The following LDAH variants were observed in gnomAD, a reference collection of about 807,000 sequenced individuals.
LDAH encodes the protein lipid droplet-associated hydrolase.
A neutral mutation model predicts 29.6 loss-of-function variants in LDAH; 26 were observed. That is an observed-to-expected ratio of 0.88 (90% confidence interval 0.64 to 1.22). The LOEUF (loss-of-function observed/expected upper bound fraction) is 1.22. LDAH is among the 50% of genes most tolerant of loss of function. The pLI, the probability that LDAH is intolerant of heterozygous loss-of-function variation, is 0.00. For synonymous variants in LDAH, 117 were observed against 133.0 expected, an observed-to-expected ratio of 0.88 and a Z score of 0.83; for missense variants, 344 against 387.3, an observed-to-expected ratio of 0.89 and a Z score of 0.94.
chr2:20,804,887 C>T (rs146937279), intron 1 of LDAH, among the ~76,000 whole-genome samples: 8 of 152,210 alleles, frequency 5.3e-5, no homozygotes, highest in African/African-American at 1.2e-4. Flanking sequence ...TTCTTATGGA[C>T]TGAATTTTTA....
At chr2:20,702,482 C>A (rs796490189) in intron 5 of LDAH, among the ~76,000 whole-genome samples, 1 of 152,150 alleles carries the variant, frequency 6.6e-6, no homozygotes, top group Non-Finnish European at 1.5e-5. Context: ...AACATATTCA[C>A]ATATATTGAG....
chr2:20,723,298 AT>A (rs932940728), intron 5 of LDAH, among the ~76,000 whole-genome samples: 8 of 152,310 alleles, frequency 5.3e-5, no homozygotes, highest in Non-Finnish European at 7.4e-5. Flanking sequence ...TAGTAGTTAC[AT>A]TTGGGAAAAT....
intron 2 of LDAH, among the ~76,000 whole-genome samples, chr2:20,797,591 T>C (rs114117657): frequency 1.0e-3 from 154 of 152,294 alleles, no homozygotes; most frequent in African/African-American, 3.4e-3. Context: ...CAAGCTAGGA[T>C]GGCTAATCAC....
intron 6 of LDAH, among the ~76,000 whole-genome samples, chr2:20,700,052 T>C (rs1242283732): frequency 6.6e-6 from 1 of 152,256 alleles, no homozygotes; most frequent in Non-Finnish European, 1.5e-5. Flanking sequence ...AGTCTTATTA[T>C]TAACTGAGAG....
At chr2:20,683,314 G>A (rs537193097), downstream of LDAH, among the ~76,000 whole-genome samples, 5 of 152,306 alleles carry the variant, frequency 3.3e-5, no homozygotes, top group African/African-American at 1.2e-4. Context: ...ACTCATATGA[G>A]CTTTGCTGTC....
At chr2:20,749,367 A>T (rs1667800466) in intron 4 of LDAH, among the ~76,000 whole-genome samples, 1 of 152,256 alleles carries the variant, frequency 6.6e-6, no homozygotes, top group Non-Finnish European at 1.5e-5. Flanking sequence ...CAGTAAAAAA[A>T]TTATTCCCTA....
chr2:20,814,529 T>C (rs947571298), intron 1 of LDAH, among the ~76,000 whole-genome samples: 1 of 152,136 alleles, frequency 6.6e-6, no homozygotes, highest in African/African-American at 2.4e-5. Flanking sequence ...GGCACAATCT[T>C]CGCTCACTGC....
intron 1 of LDAH, among the ~76,000 whole-genome samples, chr2:20,802,750 A>C (rs1671794255): frequency 2.0e-5 from 3 of 152,166 alleles, no homozygotes; most frequent in African/African-American, 7.2e-5. Flanking sequence ...GCTCATATTT[A>C]ATTCTCCAAC....
intron 3 of LDAH, among the ~76,000 whole-genome samples, chr2:20,775,954 T>C (rs914594535): frequency 2.0e-5 from 3 of 152,184 alleles, no homozygotes; most frequent in African/African-American, 7.2e-5. Flanking sequence ...TGGAACTGAC[T>C]AGATGATCTC....
At chr2:20,816,513 T>G (rs1013255947) in intron 1 of LDAH, among the ~76,000 whole-genome samples, 1 of 152,070 alleles carries the variant, frequency 6.6e-6, no homozygotes, top group African/African-American at 2.4e-5. Flanking sequence ...CAAAGAAAAT[T>G]ATTGTACAAA....
chr2:20,771,617 A>T (rs919855046), intron 4 of LDAH, among the ~76,000 whole-genome samples: 1 of 152,188 alleles, frequency 6.6e-6, no homozygotes, highest in African/African-American at 2.4e-5. Context: ...ATATTCACTG[A>T]CCCAGGTGTT....
intron 1 of LDAH, among the ~76,000 whole-genome samples, chr2:20,819,520 C>A (rs1159555078): frequency 6.6e-6 from 1 of 152,158 alleles, no homozygotes; most frequent in South Asian, 2.1e-4. Context: ...ACAAAAACCA[C>A]ATGATTATCT....
rs138605812 is a variant in LDAH, at chr2:20,740,589, G to A, written c.469-384C>T. ...CTCCCAAAGTGCTGGGATTACACAC[G>A]TGACCCACCATGTCCAGGCCCCCTC... On this transcript the variant is annotated intron_variant, in intron 4 of 6. Transcript: ENST00000237822. 1.0e-3 allele frequency among the ~76,000 whole-genome samples: 158 copies of A among 152,198 alleles called. No homozygotes were observed. The East Asian group carries it at 0.019, about 18-fold the overall frequency.
At chr2:20,703,473 C>A (rs1664093986) in intron 5 of LDAH, among the ~76,000 whole-genome samples, 2 of 152,180 alleles carry the variant, frequency 1.3e-5, no homozygotes, top group Admixed American at 6.5e-5. Flanking sequence ...ATCTTCTCAA[C>A]ATGTTTATAT....
intron 5 of LDAH, among the ~76,000 whole-genome samples, chr2:20,738,689 T>A (rs921884480): frequency 2.6e-5 from 4 of 152,102 alleles, no homozygotes; most frequent in African/African-American, 9.7e-5. Flanking sequence ...CCTCTTCCTA[T>A]CTCATCTTTT....
At chr2:20,770,574 G>A (rs1006578193) in intron 4 of LDAH, among the ~76,000 whole-genome samples, 1 of 152,112 alleles carries the variant, frequency 6.6e-6, no homozygotes, top group Non-Finnish European at 1.5e-5. Context: ...TCTAGATAGT[G>A]GAGATAAGAT....
At chr2:20,693,598 TACTTCCACTTTTATA>T (rs1472764612) in intron 6 of LDAH, among the ~76,000 whole-genome samples, 1 of 152,226 alleles carries the variant, frequency 6.6e-6, no homozygotes, top group Non-Finnish European at 1.5e-5. Flanking sequence ...GTGGATTCTA[TACTTCCACTTTTATA>T]ATAAAACCTA....
At chr2:20,802,074 G>GTA (rs541056326) in intron 1 of LDAH, among the ~76,000 whole-genome samples, 98 of 150,176 alleles carry the variant, frequency 6.5e-4, no homozygotes, top group Non-Finnish European at 1.1e-3. Context: ...CAATATACAT[G>GTA]TATATATATA....
intron 2 of LDAH, among the ~76,000 whole-genome samples, chr2:20,800,440 C>T (rs992059057): frequency 6.6e-6 from 1 of 152,064 alleles, no homozygotes; most frequent in East Asian, 1.9e-4. Flanking sequence ...GCAAGGGTTT[C>T]GAACTGGCAA....
Sources: allele counts gnomAD v4.1 joint callset (sites outside exome capture counted in the v4.1 genomes callset), GRCh38; gene constraint gnomAD v4.1.1; transcripts MANE v1.5; gene names NCBI Gene and HGNC (gene_info 2026-07-23, HGNC 2026-07-21).